PGBD2: variants seen among roughly 807,000 people sequenced by gnomAD.
PGBD2 encodes the protein piggyBac transposable element derived 2.
A neutral mutation model predicts 8.1 loss-of-function variants in PGBD2; 6 were observed. The observed-to-expected ratio is 0.74, with a 90% CI of 0.40 to 1.46. The LOEUF (loss-of-function observed/expected upper bound fraction) is 1.46. Ranked by LOEUF, PGBD2 falls within the 40% of genes most tolerant of loss-of-function variation. The probability of loss-of-function intolerance (pLI) is 0.02; values close to 1 mark genes in which losing one functional copy is unlikely to be tolerated. For missense variants in PGBD2, 802 were observed against 739.0 expected, an observed-to-expected ratio of 1.09 and a Z score of -0.99; for synonymous variants, 318 against 272.2, an observed-to-expected ratio of 1.17 and a Z score of -1.66.
At chr1:248,901,302 G>A (rs1236004512), upstream of PGBD2, among the ~76,000 whole-genome samples, 1 of 151,986 alleles carries the variant, frequency 6.6e-6, no homozygotes, top group East Asian at 1.9e-4. Flanking sequence ...AAAGCAACAA[G>A]AGCAAAGCTG....
At chr1:248,895,797 C>T in the PGBD2 span, among the ~76,000 whole-genome samples, 1 of 152,018 alleles carries the variant, frequency 6.6e-6, no homozygotes, top group Non-Finnish European at 1.5e-5. Flanking sequence ...AAGCGATTCT[C>T]TTGCCTCAGC....
the PGBD2 span, among the ~76,000 whole-genome samples, chr1:248,897,953 C>T: frequency 2.6e-5 from 4 of 152,198 alleles, no homozygotes; most frequent in Non-Finnish European, 5.9e-5. Context: ...TGGAGCTCAG[C>T]AGCTACGGCA....
At chr1:248,890,977 C>T in the PGBD2 span, among the ~76,000 whole-genome samples, 4 of 151,976 alleles carry the variant, frequency 2.6e-5, no homozygotes, top group Non-Finnish European at 5.9e-5. Flanking sequence ...ACAGACATCA[C>T]ACATCACAGA....
At chr1:248,922,867 T>A (rs550401518), downstream of PGBD2, among the ~76,000 whole-genome samples, 1 of 152,322 alleles carries the variant, frequency 6.6e-6, no homozygotes, top group Admixed American at 6.5e-5. Context: ...GCCAGTATTT[T>A]GTTGAGGATT....
chr1:248,894,695 C>T, the PGBD2 span, among the ~76,000 whole-genome samples: 5 of 147,438 alleles, frequency 3.4e-5, no homozygotes, highest in East Asian at 5.9e-4. Flanking sequence ...CCCTCCCTCC[C>T]TCCCTCCTTT....
the PGBD2 span, among the ~76,000 whole-genome samples, chr1:248,887,211 C>T: frequency 4.6e-5 from 7 of 152,156 alleles, no homozygotes; most frequent in South Asian, 1.0e-3. Flanking sequence ...ACTGATACAA[C>T]GCAATTGACT....
rs139943172 is a variant in PGBD2 at position 248,916,958 on chromosome 1, C to A, written c.374C>A (p.Thr125Asn). 6.2e-4 allele frequency: 1,006 copies of A among 1,613,326 alleles called. No homozygotes were observed. The highest frequency in any genetic ancestry group is 7.6e-4 in the Non-Finnish European group (895 of 1,179,688). The change falls in exon 3 of 3, where the codon ACT becomes AAT. Residue 125 changes from threonine to asparagine, a missense_variant. By Grantham distance (65) the Thr-to-Asn change is moderately conservative (BLOSUM62 0). Coordinates refer to ENST00000329291, the MANE Select transcript of PGBD2 (RefSeq NM_170725.3). The part of the protein sequence containing the change: ...RDIRPDFGSW[T>N]ASDPHIEDLK... ...ATTCGTCCAGACTTTGGCAGTTGGA[C>A]TGCATCAGATCCTCATATTGAGGAT...
the PGBD2 span, among the ~76,000 whole-genome samples, chr1:248,900,085 T>G: frequency 2.7e-5 from 1 of 37,436 alleles, no homozygotes; most frequent in Admixed American, 3.3e-4. Flanking sequence ...GAGGCAGTAA[T>G]AAATAGCCTA....
the PGBD2 span, among the ~76,000 whole-genome samples, chr1:248,890,085 G>A: frequency 6.6e-6 from 1 of 151,814 alleles, no homozygotes; most frequent in African/African-American, 2.4e-5. Flanking sequence ...GCGCCACCAC[G>A]CCCAGCTAAT....
the PGBD2 span, among the ~76,000 whole-genome samples, chr1:248,884,964 T>C: frequency 1.3e-5 from 2 of 152,150 alleles, no homozygotes; most frequent in Non-Finnish European, 2.9e-5. Flanking sequence ...AGATGAATCC[T>C]GGTCAGTTTT....
At chr1:248,886,916 A>G in the PGBD2 span, among the ~76,000 whole-genome samples, 15 of 152,326 alleles carry the variant, frequency 9.8e-5, no homozygotes, top group East Asian at 3.9e-4. Context: ...AGCTAATTAG[A>G]AAATCTCAAG....
rs1405587818 is a variant in PGBD2 at position 248,917,427 on chromosome 1, C to G, written c.843C>G (p.Ser281=). 6.2e-7 allele frequency: 1 copy of G among 1,613,970 alleles called. No homozygotes were observed. The highest frequency in any genetic ancestry group is 8.5e-7 in the Non-Finnish European group (1 of 1,180,028). Residue 281 remains serine (S), a synonymous_variant, in exon 3 of 3, where the codon TCC becomes TCG. Transcript: ENST00000329291. ...SMCEYFGHRG[S]KQLHRGKPVR... ...GTGAGTACTTTGGGCACCGGGGGTC[C>G]AAGCAGCTGCACAGGGGGAAGCCTG...
At chr1:248,877,514 A>G in the PGBD2 span, among the ~76,000 whole-genome samples, 3 of 152,190 alleles carry the variant, frequency 2.0e-5, no homozygotes, top group Admixed American at 6.5e-5. Flanking sequence ...AATGCCGTAC[A>G]GAAGCTTATA....
At chr1:248,888,618 C>T in the PGBD2 span, among the ~76,000 whole-genome samples, 6 of 151,960 alleles carry the variant, frequency 3.9e-5, no homozygotes, top group African/African-American at 1.5e-4. Flanking sequence ...GTTTCAGTTC[C>T]TTATAGATTC....
the PGBD2 span, among the ~76,000 whole-genome samples, chr1:248,879,838 AT>A: frequency 6.6e-6 from 1 of 152,244 alleles, no homozygotes; most frequent in East Asian, 1.9e-4. Flanking sequence ...CATTTGTGTG[AT>A]TATGGGGCTA....
the PGBD2 span, among the ~76,000 whole-genome samples, chr1:248,897,660 A>C: frequency 6.6e-6 from 1 of 152,172 alleles, no homozygotes; most frequent in African/African-American, 2.4e-5. Flanking sequence ...TGAAGCTTGA[A>C]AATTCCTGTG....
chr1:248,882,207 G>T, the PGBD2 span, among the ~76,000 whole-genome samples: 35 of 152,248 alleles, frequency 2.3e-4, no homozygotes, highest in African/African-American at 7.7e-4. Context: ...AAAAATGCAC[G>T]GGATATACCA....
At chr1:248,924,409 G>A (rs1167185761), downstream of PGBD2, among the ~76,000 whole-genome samples, 1 of 152,132 alleles carries the variant, frequency 6.6e-6, no homozygotes, top group African/African-American at 2.4e-5. Context: ...CAATTAACTT[G>A]TATCTACAGT....
chr1:248,907,568 C>T (rs577654693), intron 1 of PGBD2, among the ~76,000 whole-genome samples: 28 of 152,310 alleles, frequency 1.8e-4, no homozygotes, highest in African/African-American at 2.4e-4. Context: ...GGACAATACC[C>T]GGCTTTCCAG....
Sources: gnomAD v4.1 joint callset for allele counts (sites outside exome capture counted in the v4.1 genomes callset) on GRCh38, gnomAD v4.1.1 for gene constraint, MANE v1.5 for transcripts, NCBI Gene and HGNC (gene_info 2026-07-23, HGNC 2026-07-21) for gene names.